Variants in NRCAM observed in about 807,000 individuals in gnomAD.
The protein encoded by NRCAM is neuronal cell adhesion molecule.
A neutral mutation model predicts 156.5 loss-of-function variants in NRCAM; 83 were observed. The ratio of observed to expected loss-of-function variants is 0.53; its 90% CI spans 0.44 to 0.64. The LOEUF (loss-of-function observed/expected upper bound fraction) is 0.64, where lower values mean the gene tolerates loss of function less well. NRCAM is among the 30% of genes least tolerant of loss of function. The probability of loss-of-function intolerance (pLI) is 0.00; values close to 1 mark genes in which losing one functional copy is unlikely to be tolerated. For missense variants in NRCAM, 1,417 were observed against 1,597.3 expected, an observed-to-expected ratio of 0.89 and a Z score of 1.92; for synonymous variants, 538 against 563.9, an observed-to-expected ratio of 0.95 and a Z score of 0.65.
chr7:108,152,423 A>G (rs1210630773), intron 32 of NRCAM, among the ~76,000 whole-genome samples: 1 of 150,740 alleles, frequency 6.6e-6, no homozygotes. Flanking sequence ...GGGGGGAGGG[A>G]GAGAGAGAGA....
chr7:108,313,191 G>C (rs1044380202), intron 2 of NRCAM: 3 of 152,076 alleles, frequency 2.0e-5, no homozygotes, highest in Non-Finnish European at 4.4e-5. Context: ...AAGATTTGAG[G>C]AGTGAGTTCC....
chr7:108,372,695 C>A (rs2099636529), intron 2 of NRCAM, among the ~76,000 whole-genome samples: 1 of 151,942 alleles, frequency 6.6e-6, no homozygotes, highest in Admixed American at 6.6e-5. Context: ...AACAAATAAA[C>A]AAAAGACAAG....
intron 26 of NRCAM, among the ~76,000 whole-genome samples, chr7:108,177,671 G>GTA (rs1390373768): frequency 1.2e-4 from 2 of 17,124 alleles, no homozygotes; most frequent in Admixed American, 1.0e-3. Context: ...GTATATACGT[G>GTA]TATATATATA....
intron 1 of NRCAM, among the ~76,000 whole-genome samples, chr7:108,443,282 C>T (rs758283493): frequency 2.2e-4 from 33 of 152,012 alleles, no homozygotes; most frequent in Non-Finnish European, 4.3e-4. Flanking sequence ...ACAAGGCTGC[C>T]GCTGGTGGGA....
chr7:108,376,780 A>G (rs2099677509), intron 2 of NRCAM, among the ~76,000 whole-genome samples: 1 of 152,214 alleles, frequency 6.6e-6, no homozygotes, highest in South Asian at 2.1e-4. Flanking sequence ...GTCAGTCATT[A>G]CATAAAAGCT....
intron 15 of NRCAM, among the ~76,000 whole-genome samples, chr7:108,195,045 TA>T (rs2074182874): frequency 6.8e-6 from 1 of 147,908 alleles, no homozygotes; most frequent in Non-Finnish European, 1.5e-5. Context: ...GAAACAATGG[TA>T]AGAACAAATT....
intron 1 of NRCAM, among the ~76,000 whole-genome samples, chr7:108,406,671 C>A (rs962429423): frequency 1.6e-4 from 24 of 152,194 alleles, no homozygotes; most frequent in African/African-American, 5.5e-4. Context: ...AATGAAATGC[C>A]AGCACACTTC....
At chr7:108,162,664 C>A (rs182979907) in intron 30 of NRCAM, among the ~76,000 whole-genome samples, 11 of 152,160 alleles carry the variant, frequency 7.2e-5, no homozygotes, top group Non-Finnish European at 1.5e-4. Flanking sequence ...GGGTGGTACA[C>A]AAACATCCAC....
intron 3 of NRCAM, among the ~76,000 whole-genome samples, chr7:108,257,165 A>G (rs1296068356): frequency 1.3e-5 from 2 of 152,038 alleles, no homozygotes; most frequent in Non-Finnish European, 2.9e-5. Flanking sequence ...AGAATCAGAG[A>G]ACAGATTAGT....
At chr7:108,236,834 G>GGGGA (rs2153786366) in intron 5 of NRCAM, among the ~76,000 whole-genome samples, 1 of 152,150 alleles carries the variant, frequency 6.6e-6, no homozygotes, top group Admixed American at 6.6e-5. Context: ...ATAGGGAGTG[G>GGGGA]GGGAGGGGAT....
At chr7:108,319,537 C>A (rs2098975124) in intron 2 of NRCAM, among the ~76,000 whole-genome samples, 1 of 152,120 alleles carries the variant, frequency 6.6e-6, no homozygotes, top group Non-Finnish European at 1.5e-5. Context: ...CTCTTCTTGG[C>A]CTCATGAAGC....
intron 28 of NRCAM, among the ~76,000 whole-genome samples, chr7:108,173,261 C>T (rs565768041): frequency 6.6e-6 from 1 of 152,296 alleles, no homozygotes; most frequent in East Asian, 1.9e-4. Flanking sequence ...GTTGGGATTA[C>T]AGGTGTGAGC....
chr7:108,295,729 T>C (rs1405502235), intron 3 of NRCAM, among the ~76,000 whole-genome samples: 5 of 152,258 alleles, frequency 3.3e-5, no homozygotes, highest in Non-Finnish European at 7.3e-5. Flanking sequence ...TCTAAGTTAT[T>C]TGACTTTTGA....
At chr7:108,350,472 G>A (rs2099403985) in intron 2 of NRCAM, among the ~76,000 whole-genome samples, 1 of 152,172 alleles carries the variant, frequency 6.6e-6, no homozygotes, top group Non-Finnish European at 1.5e-5. Context: ...ATGACCAATG[G>A]CAGTTTGTAT....
intron 2 of NRCAM, among the ~76,000 whole-genome samples, chr7:108,371,546 G>C (rs1478718767): frequency 6.6e-6 from 1 of 152,150 alleles, no homozygotes; most frequent in African/African-American, 2.4e-5. Context: ...TGCTAGAAAA[G>C]TGTTCTCAAA....
At chr7:108,277,453 T>C (rs1014703716) in intron 3 of NRCAM, among the ~76,000 whole-genome samples, 1 of 152,178 alleles carries the variant, frequency 6.6e-6, no homozygotes, top group Admixed American at 6.5e-5. Flanking sequence ...CTTTTTTCTC[T>C]AATCTTGTCT....
At chr7:108,152,437 A>C (rs1243213429) in intron 32 of NRCAM, among the ~76,000 whole-genome samples, 1 of 151,836 alleles carries the variant, frequency 6.6e-6, no homozygotes, top group African/African-American at 2.4e-5. Context: ...AGAGAGAGAG[A>C]AAAGTAGGAG....
intron 5 of NRCAM, 45 bp downstream of exon 5, chr7:108,237,706 TG>T (rs765553216): frequency 2.7e-5 from 39 of 1,471,398 alleles, no homozygotes; most frequent in Non-Finnish European, 3.6e-5. Flanking sequence ...AGCAAAGACA[TG>T]GTCACATTTT....
intron 13 of NRCAM, 36 bp from the exon 14 acceptor site, chr7:108,198,135 A>G (rs1295060730): frequency 6.4e-7 from 1 of 1,553,880 alleles, no homozygotes; most frequent in Non-Finnish European, 8.7e-7. Context: ...ATTTATTCCT[A>G]TTTGCTTAAA....
Sources: allele counts gnomAD v4.1 joint callset (sites outside exome capture counted in the v4.1 genomes callset), GRCh38; gene constraint gnomAD v4.1.1; transcripts MANE v1.5; gene names NCBI Gene and HGNC (gene_info 2026-07-23, HGNC 2026-07-21).